Variants in NRG3 observed in about 807,000 individuals in gnomAD.
NRG3 encodes pro-neuregulin-3, membrane-bound isoform.
Under a neutral mutation model 66.9 loss-of-function variants are expected in NRG3, and 31 were observed. The observed-to-expected ratio is 0.46, with a 90% CI of 0.35 to 0.63. The LOEUF (loss-of-function observed/expected upper bound fraction) is 0.63, where lower values mean the gene tolerates loss of function less well. NRG3 is among the 20% of genes least tolerant of loss of function. The pLI, the probability that NRG3 is intolerant of heterozygous loss-of-function variation, is 0.00. For missense variants in NRG3, 910 were observed against 878.9 expected (o/e 1.04, Z -0.45); for synonymous variants, 393 against 359.4 (o/e 1.09, Z -1.06).
intron 2 of NRG3, among the ~76,000 whole-genome samples, chr10:82,501,046 A>G (rs746935004): frequency 6.6e-6 from 1 of 152,162 alleles, no homozygotes; most frequent in Non-Finnish European, 1.5e-5. Context: ...TAATTTGAAC[A>G]TATTGTGTCT....
intron 3 of NRG3, among the ~76,000 whole-genome samples, chr10:82,744,449 G>T (rs1345714239): frequency 6.6e-6 from 1 of 152,100 alleles, no homozygotes; most frequent in Non-Finnish European, 1.5e-5. Flanking sequence ...AACTCTCTGC[G>T]CCTCTTTTGG....
intron 6 of NRG3, among the ~76,000 whole-genome samples, chr10:82,960,122 C>A (rs889511553): frequency 6.6e-6 from 1 of 152,116 alleles, no homozygotes; most frequent in African/African-American, 2.4e-5. Flanking sequence ...CCCAAAAAGT[C>A]GCTATTATGA....
chr10:82,395,250 T>C (rs1371538466), intron 2 of NRG3, among the ~76,000 whole-genome samples: 2 of 152,202 alleles, frequency 1.3e-5, no homozygotes, highest in Non-Finnish European at 2.9e-5. Context: ...GTCACTGATA[T>C]ATCAAGCTTG....
intron 1 of NRG3, among the ~76,000 whole-genome samples, chr10:82,246,638 A>T (rs1407106811): frequency 6.6e-6 from 1 of 152,206 alleles, no homozygotes; most frequent in Non-Finnish European, 1.5e-5. Context: ...TGACCAAAAG[A>T]GGGGTTAAAT....
chr10:82,629,620 G>A (rs2133706510), intron 2 of NRG3, among the ~76,000 whole-genome samples: 1 of 152,298 alleles, frequency 6.6e-6, no homozygotes, highest in East Asian at 1.9e-4. Context: ...TGAGTTTCCT[G>A]CCATGGATGT....
intron 6 of NRG3, among the ~76,000 whole-genome samples, chr10:82,964,330 G>A (rs1385590845): frequency 6.6e-6 from 1 of 152,188 alleles, no homozygotes; most frequent in Non-Finnish European, 1.5e-5. Context: ...ATAGTAGGCA[G>A]GCTGGGGAGT....
Position 82,958,963 on chromosome 10 carries a change from A to C in NRG3, c.1172A>C (p.Gln391Pro). Residue 391 changes from glutamine to proline, a missense_variant, in exon 6 of 9, where the codon CAA becomes CCA. Physicochemically the swap from Gln to Pro is moderately conservative, Grantham distance 76. Coordinates refer to ENST00000372141, the MANE Select transcript of NRG3 (RefSeq NM_001010848.4). ...FYFKSKKQAK[Q>P]IQEQLKVPQN... is the part of the protein sequence containing the mutation. ...TATGCCTGCAGGAAACAAGCTAAAC[A>C]AATCCAAGAGCAGCTGAAAGTGCCA... 6.3e-7 allele frequency: 1 copy of C among 1,595,554 alleles called. No homozygotes were observed. Among genetic ancestry groups the C allele is most frequent in the Non-Finnish European group, 8.5e-7 (1 of 1,174,510 alleles).
intron 3 of NRG3, among the ~76,000 whole-genome samples, chr10:82,774,060 C>T (rs1371621687): frequency 6.6e-6 from 1 of 152,126 alleles, no homozygotes; most frequent in Admixed American, 6.5e-5. Context: ...CACACTTGGT[C>T]ATCATGTATA....
intron 1 of NRG3, among the ~76,000 whole-genome samples, chr10:82,194,753 T>A (rs1425310505): frequency 2.0e-5 from 3 of 152,110 alleles, no homozygotes; most frequent in African/African-American, 7.2e-5. Flanking sequence ...GAATAATAGA[T>A]ATTATTATCC....
intron 4 of NRG3, among the ~76,000 whole-genome samples, chr10:82,882,224 A>G (rs1277804764): frequency 6.6e-6 from 1 of 152,146 alleles, no homozygotes; most frequent in Non-Finnish European, 1.5e-5. Context: ...TAACTTTGCT[A>G]GATTATGGTG....
chr10:81,972,605 T>C (rs2059971095), intron 1 of NRG3, among the ~76,000 whole-genome samples: 1 of 152,094 alleles, frequency 6.6e-6, no homozygotes, highest in Non-Finnish European at 1.5e-5. Context: ...TAATAGAAAC[T>C]ATCATGAAAT....
chr10:82,241,797 G>A (rs1463373127), intron 1 of NRG3, among the ~76,000 whole-genome samples: 3 of 152,140 alleles, frequency 2.0e-5, no homozygotes, highest in Non-Finnish European at 4.4e-5. Flanking sequence ...CTTTTCTTTT[G>A]GAAGTACATC....
intron 2 of NRG3, among the ~76,000 whole-genome samples, chr10:82,409,030 G>T (rs1476658988): frequency 6.6e-6 from 1 of 152,130 alleles, no homozygotes; most frequent in Admixed American, 6.6e-5. Flanking sequence ...GGAAACCTAG[G>T]TGGCCCCATG....
chr10:82,929,050 A>T (rs1056335643), intron 4 of NRG3, among the ~76,000 whole-genome samples: 1 of 152,204 alleles, frequency 6.6e-6, no homozygotes, highest in Non-Finnish European at 1.5e-5. Flanking sequence ...CAACAAATGC[A>T]TGCATTTGGG....
At chr10:82,977,892 G>A (rs1852450710) in intron 7 of NRG3, among the ~76,000 whole-genome samples, 1 of 152,138 alleles carries the variant, frequency 6.6e-6, no homozygotes, top group South Asian at 2.1e-4. Context: ...AGTAATATGG[G>A]TAAAATGTCT....
intron 2 of NRG3, among the ~76,000 whole-genome samples, chr10:82,593,627 G>T (rs1162282007): frequency 6.6e-6 from 1 of 151,760 alleles, no homozygotes; most frequent in Non-Finnish European, 1.5e-5. Flanking sequence ...AATGAAATGT[G>T]ATAATATATA....
chr10:82,148,757 AG>A (rs2070455001), intron 1 of NRG3, among the ~76,000 whole-genome samples: 1 of 145,764 alleles, frequency 6.9e-6, no homozygotes, highest in African/African-American at 2.6e-5. Context: ...CTTCATCCAA[AG>A]AAACCCTTAC....
chr10:82,892,665 CAATAAATAAATAAATA>C (rs369613241), intron 4 of NRG3, among the ~76,000 whole-genome samples: 11 of 146,558 alleles, frequency 7.5e-5, no homozygotes, highest in Non-Finnish European at 1.2e-4. Flanking sequence ...TAACCTGTCT[CAATAAATAAATAAATA>C]AATAAATAAA....
chr10:82,114,925 T>C (rs1238610278), intron 1 of NRG3, among the ~76,000 whole-genome samples: 1 of 152,162 alleles, frequency 6.6e-6, no homozygotes, highest in Non-Finnish European at 1.5e-5. Context: ...TTGAAATCAT[T>C]GAATCATAGC....
Sources: allele counts gnomAD v4.1 joint callset (sites outside exome capture counted in the v4.1 genomes callset), GRCh38; gene constraint gnomAD v4.1.1; transcripts MANE v1.5; gene names NCBI Gene and HGNC (gene_info 2026-07-23, HGNC 2026-07-21).